Variants in RPTOR observed in about 807,000 individuals in gnomAD.
RPTOR encodes regulatory-associated protein of mTOR.
A neutral mutation model predicts 169.9 loss-of-function variants in RPTOR; 21 were observed. The ratio of observed to expected loss-of-function variants is 0.12; its 90% CI spans 0.09 to 0.18. The LOEUF (loss-of-function observed/expected upper bound fraction) is 0.18. Among genes scored for constraint, RPTOR ranks in the 10% least tolerant of loss-of-function variants. The pLI is 1.00. For missense variants in RPTOR, 1,133 were observed against 1,855.9 expected, an observed-to-expected ratio of 0.61 and a Z score of 7.16; for synonymous variants, 732 against 753.2, an observed-to-expected ratio of 0.97 and a Z score of 0.46.
At chr17:80,886,714 C>T (rs1201330421) in intron 17 of RPTOR, among the ~76,000 whole-genome samples, 2 of 152,174 alleles carry the variant, frequency 1.3e-5, no homozygotes, top group South Asian at 4.2e-4. Context: ...AGCGGTCCGG[C>T]GTCACTCGCC....
At chr17:80,567,717 G>T (rs1049435240) in intron 1 of RPTOR, among the ~76,000 whole-genome samples, 1 of 151,556 alleles carries the variant, frequency 6.6e-6, no homozygotes, top group African/African-American at 2.4e-5. Flanking sequence ...GCTTGAACCC[G>T]GGAGGCGGAG....
At chr17:80,634,492 CTGTGTGTGTGCATACTG>C (rs1332040987) in intron 2 of RPTOR, among the ~76,000 whole-genome samples, 4 of 101,266 alleles carry the variant, frequency 3.9e-5, no homozygotes, top group South Asian at 3.1e-4. Context: ...TGTGTGCATA[CTGTGTGTGTGCATACTG>C]TGTGTGTGTG....
intron 7 of RPTOR, among the ~76,000 whole-genome samples, chr17:80,792,171 A>T (rs1318345066): frequency 2.0e-5 from 3 of 152,150 alleles, no homozygotes; most frequent in Non-Finnish European, 4.4e-5. Flanking sequence ...ACTCATCCTG[A>T]GTCATCCAGG....
At chr17:80,785,152 G>C (rs2066978847) in intron 6 of RPTOR, among the ~76,000 whole-genome samples, 1 of 152,180 alleles carries the variant, frequency 6.6e-6, no homozygotes, top group South Asian at 2.1e-4. Flanking sequence ...ACCTTCATCA[G>C]TGTAAATTCT....
At chr17:80,739,273 G>A (rs970809441) in intron 5 of RPTOR, among the ~76,000 whole-genome samples, 2 of 130,580 alleles carry the variant, frequency 1.5e-5, no homozygotes, top group Non-Finnish European at 3.4e-5. Flanking sequence ...AGAGGAGAGG[G>A]GCAAGTGGGA....
At chr17:80,828,243 GCTGTAGTC>G (rs1370278217) in intron 9 of RPTOR, among the ~76,000 whole-genome samples, 2 of 152,222 alleles carry the variant, frequency 1.3e-5, no homozygotes, top group African/African-American at 4.8e-5. Context: ...TTAGCGACCT[GCTGTAGTC>G]ATGCTCCTGG....
chr17:80,608,510 C>A (rs2065244701), intron 1 of RPTOR, among the ~76,000 whole-genome samples: 1 of 152,110 alleles, frequency 6.6e-6, no homozygotes, highest in African/African-American at 2.4e-5. Context: ...CCTCAAACAA[C>A]CCTCTGAAGT....
chr17:80,750,736 C>T (rs996042431), intron 5 of RPTOR, among the ~76,000 whole-genome samples: 2 of 152,082 alleles, frequency 1.3e-5, no homozygotes, highest in African/African-American at 4.8e-5. Context: ...TTATGGAGCC[C>T]AGAGCCCAGG....
At chr17:80,777,422 G>C (rs980579842) in intron 6 of RPTOR, among the ~76,000 whole-genome samples, 8 of 152,130 alleles carry the variant, frequency 5.3e-5, no homozygotes, top group African/African-American at 1.9e-4. Flanking sequence ...TAGAGAAAGT[G>C]TCTCTGGTAT....
intron 23 of RPTOR, chr17:80,923,913 G>A: frequency 3.7e-6 from 2 of 537,826 alleles, no homozygotes; most frequent in South Asian, 5.1e-5. Context: ...CCCTCTGCCT[G>A]CACTCTTTAG....
chr17:80,640,960 C>T (rs954343832), intron 2 of RPTOR, among the ~76,000 whole-genome samples: 2 of 152,274 alleles, frequency 1.3e-5, no homozygotes, highest in African/African-American at 4.8e-5. Context: ...AACTCAACGC[C>T]TTCCAGCCAG....
chr17:80,921,898 T>C (rs1360540118), intron 21 of RPTOR, among the ~76,000 whole-genome samples: 1 of 152,134 alleles, frequency 6.6e-6, no homozygotes, highest in Non-Finnish European at 1.5e-5. Context: ...TCCCCGTCCA[T>C]GCAGTGCACC....
At chr17:80,662,302 A>G (rs1257411392) in intron 3 of RPTOR, among the ~76,000 whole-genome samples, 1 of 152,250 alleles carries the variant, frequency 6.6e-6, no homozygotes, top group Non-Finnish European at 1.5e-5. Context: ...TCTGCTGCAC[A>G]GACAAAACCA....
chr17:80,653,332 C>T (rs759519962), intron 3 of RPTOR, among the ~76,000 whole-genome samples: 23 of 152,136 alleles, frequency 1.5e-4, no homozygotes, highest in Non-Finnish European at 3.2e-4. Flanking sequence ...CCTTTGAGCT[C>T]AGGAGTTGGA....
intron 3 of RPTOR, among the ~76,000 whole-genome samples, chr17:80,657,286 T>C (rs986224843): frequency 1.3e-5 from 2 of 152,150 alleles, no homozygotes; most frequent in Non-Finnish European, 1.5e-5. Flanking sequence ...AAGAGCAGGC[T>C]CCAGCTTTGC....
intron 3 of RPTOR, among the ~76,000 whole-genome samples, chr17:80,650,260 A>G (rs1197395216): frequency 6.6e-6 from 1 of 152,168 alleles, no homozygotes; most frequent in East Asian, 1.9e-4. Context: ...CACCTAGGGG[A>G]TTCACTAGAG....
chr17:80,864,013 C>T (rs773816447), intron 13 of RPTOR, among the ~76,000 whole-genome samples: 55 of 152,166 alleles, frequency 3.6e-4, no homozygotes, highest in South Asian at 6.2e-4. Context: ...TATTCCATTG[C>T]GGGACAACGG....
At chr17:80,790,264 C>T in intron 6 of RPTOR, among the ~76,000 whole-genome samples, 1 of 152,226 alleles carries the variant, frequency 6.6e-6, no homozygotes, top group Non-Finnish European at 1.5e-5. Context: ...TTTCTCAGCT[C>T]TTTGAACGAT....
chr17:80,926,991 G>A (rs932503505), intron 24 of RPTOR, among the ~76,000 whole-genome samples: 4 of 152,220 alleles, frequency 2.6e-5, no homozygotes, highest in Non-Finnish European at 4.4e-5. Flanking sequence ...TGGGCTCACC[G>A]CTGCTTACCT....
Sources: allele counts gnomAD v4.1 joint callset (sites outside exome capture counted in the v4.1 genomes callset), GRCh38; gene constraint gnomAD v4.1.1; transcripts MANE v1.5; gene names NCBI Gene and HGNC (gene_info 2026-07-23, HGNC 2026-07-21).